ATP8A1: variants seen among roughly 807,000 people sequenced by gnomAD.
ATP8A1 encodes phospholipid-transporting ATPase IA.
In ATP8A1, 90 loss-of-function variants were observed where a neutral mutation model predicts 177.7. The ratio of observed to expected loss-of-function variants is 0.51; its 90% CI spans 0.43 to 0.60. ATP8A1 has a LOEUF of 0.60. Ranked by LOEUF, ATP8A1 falls within the 20% of genes least tolerant of loss-of-function variation. The pLI, the probability that ATP8A1 is intolerant of heterozygous loss-of-function variation, is 0.00. For synonymous variants in ATP8A1, 493 were observed against 485.9 expected (o/e 1.01, Z -0.19); for missense variants, 1,072 against 1,392.8 (o/e 0.77, Z 3.67).
At chr4:42,648,669 C>T (rs1183835428) in intron 1 of ATP8A1, among the ~76,000 whole-genome samples, 1 of 151,774 alleles carries the variant, frequency 6.6e-6, no homozygotes, top group East Asian at 1.9e-4. Flanking sequence ...AAAGATTATA[C>T]TTCATAAAAA....
rs1034683236 is a variant in ATP8A1, at chr4:42,578,163, G to A, written c.1128+97C>T. ...AAATCTGATACTGTGGTCAAGAAACGGTAGATATAATTAAAACCTTTTTTC... is the reference window on the plus strand; with the variant it reads ...AAATCTGATACTGTGGTCAAGAAACAGTAGATATAATTAAAACCTTTTTTC... On this transcript the variant is annotated intron_variant, in intron 12 of 36. Transcript: ENST00000381668. The A allele has an allele frequency of 1.4e-4, 162 of 1,175,172 alleles. 1 individual carries two copies. The highest frequency in any genetic ancestry group is 6.1e-4 in the Middle Eastern group (2 of 3,270). The allele number at this position is 1,175,172 out of a possible 1,614,324, so 72.8% of individuals were successfully genotyped here.
intron 1 of ATP8A1, among the ~76,000 whole-genome samples, chr4:42,654,049 C>G (rs1258130124): frequency 2.0e-5 from 3 of 152,152 alleles, no homozygotes; most frequent in Admixed American, 1.3e-4. Flanking sequence ...AATGTAGTAA[C>G]TCTGGCCCCA....
At chr4:42,486,790 G>A (rs1003720536) in intron 24 of ATP8A1, among the ~76,000 whole-genome samples, 1 of 152,052 alleles carries the variant, frequency 6.6e-6, no homozygotes, top group Non-Finnish European at 1.5e-5. Context: ...TGTTACAACC[G>A]CCTACAGTAT....
Position 42,411,336 on chromosome 4 carries a change from G to A in ATP8A1, c.*1580C>T, listed in dbSNP as rs1223418852. 6.6e-6 allele frequency: 1 copy of A among 152,020 alleles called. No individual in the cohort carries two copies. The highest frequency in any genetic ancestry group is 2.1e-4 in the South Asian group (1 of 4,810). 9.4% of individuals were successfully genotyped at this position (152,020 alleles called of 1,614,324 possible). On this transcript the variant is annotated 3_prime_UTR_variant, in exon 37 of 37. Transcript: ENST00000381668. ...AAAAGAATGTGAAAATATTAAACTCGAGAAGCGATCTGAAAAAAAATCACC... is the reference window on the plus strand; with the variant it reads ...AAAAGAATGTGAAAATATTAAACTCAAGAAGCGATCTGAAAAAAAATCACC...
intron 1 of ATP8A1, among the ~76,000 whole-genome samples, chr4:42,641,656 AGT>A (rs973937034): frequency 6.6e-6 from 1 of 152,224 alleles, no homozygotes; most frequent in Non-Finnish European, 1.5e-5. Flanking sequence ...CTTCAGTAGC[AGT>A]GTGTTCATAG....
intron 31 of ATP8A1, among the ~76,000 whole-genome samples, chr4:42,445,807 T>C (rs1717148732): frequency 6.6e-6 from 1 of 152,106 alleles, no homozygotes. Context: ...AGGCCAGGTG[T>C]GGTGGCTCAT....
intron 20 of ATP8A1, among the ~76,000 whole-genome samples, chr4:42,527,215 G>A (rs368514789): frequency 1.7e-4 from 26 of 152,254 alleles, no homozygotes; most frequent in East Asian, 5.8e-4. Flanking sequence ...CTGAAATTGT[G>A]GAAAAACAGA....
At chr4:42,628,993 C>G (rs185716681) in intron 1 of ATP8A1, among the ~76,000 whole-genome samples, 13 of 152,222 alleles carry the variant, frequency 8.5e-5, no homozygotes, top group Non-Finnish European at 1.6e-4. Flanking sequence ...CATCCAGACA[C>G]ACCTACTTAC....
intron 15 of ATP8A1, 115 bp from the exon 16 acceptor site, chr4:42,556,155 T>C: frequency 1.7e-6 from 1 of 602,894 alleles, no homozygotes; most frequent in African/African-American, 1.9e-5. Flanking sequence ...ATAAATTAAA[T>C]GTAATTTGGC....
chr4:42,516,760 T>C (rs551969647), intron 22 of ATP8A1, among the ~76,000 whole-genome samples: 6 of 152,302 alleles, frequency 3.9e-5, no homozygotes, highest in African/African-American at 9.6e-5. Context: ...TCTAGTAGCA[T>C]AGTATGAATA....
At chr4:42,530,680 G>A (rs1176359399) in intron 20 of ATP8A1, among the ~76,000 whole-genome samples, 4 of 152,224 alleles carry the variant, frequency 2.6e-5, no homozygotes, top group East Asian at 1.9e-4. Flanking sequence ...ATAGAAGGGT[G>A]GAATGGCCTT....
intron 4 of ATP8A1, among the ~76,000 whole-genome samples, chr4:42,623,177 T>C (rs1737673740): frequency 6.6e-6 from 1 of 152,102 alleles, no homozygotes; most frequent in Non-Finnish European, 1.5e-5. Context: ...ATGGCATTTA[T>C]TAAAAAGTTA....
intron 33 of ATP8A1, among the ~76,000 whole-genome samples, chr4:42,430,827 G>C (rs1715211028): frequency 6.6e-6 from 1 of 152,028 alleles, no homozygotes; most frequent in Non-Finnish European, 1.5e-5. Flanking sequence ...CAGTCTTCAG[G>C]CTCTCAGCAT....
chr4:42,519,657 C>T (rs1385692337), intron 22 of ATP8A1, among the ~76,000 whole-genome samples: 1 of 152,090 alleles, frequency 6.6e-6, no homozygotes, highest in Non-Finnish European at 1.5e-5. Context: ...AATAGATCAC[C>T]AAATGAAGCT....
At chr4:42,476,880 C>T (rs1341528211) in intron 25 of ATP8A1, among the ~76,000 whole-genome samples, 1 of 152,128 alleles carries the variant, frequency 6.6e-6, no homozygotes, top group African/African-American at 2.4e-5. Flanking sequence ...AGAAGAAACC[C>T]AACAGAAATT....
At chr4:42,444,971 T>G (rs1007531314) in intron 31 of ATP8A1, among the ~76,000 whole-genome samples, 5 of 152,236 alleles carry the variant, frequency 3.3e-5, no homozygotes, top group African/African-American at 1.2e-4. Context: ...TGGGTTAATT[T>G]GAGTTTTCAA....
intron 25 of ATP8A1, among the ~76,000 whole-genome samples, chr4:42,468,427 TTA>T (rs1720027459): frequency 1.2e-5 from 1 of 86,298 alleles, no homozygotes; most frequent in Non-Finnish European, 2.4e-5. Context: ...TTTATATATT[TTA>T]TACACACACA....
At chr4:42,527,454 C>A (rs546675278) in intron 20 of ATP8A1, among the ~76,000 whole-genome samples, 2 of 152,302 alleles carry the variant, frequency 1.3e-5, no homozygotes, top group African/African-American at 2.4e-5. Flanking sequence ...GTAGGGGCAA[C>A]TTCCCCTCTC....
intron 22 of ATP8A1, among the ~76,000 whole-genome samples, chr4:42,510,039 C>A (rs1578077463): frequency 6.6e-6 from 1 of 152,168 alleles, no homozygotes; most frequent in South Asian, 2.1e-4. Context: ...ATCTTAATGA[C>A]TCCACAGCAT....
Sources: gnomAD v4.1 joint callset for allele counts (sites outside exome capture counted in the v4.1 genomes callset) on GRCh38, gnomAD v4.1.1 for gene constraint, MANE v1.5 for transcripts, NCBI Gene and HGNC (gene_info 2026-07-23, HGNC 2026-07-21) for gene names.